CAMTA1: variants seen among roughly 807,000 people sequenced by gnomAD.
CAMTA1 encodes calmodulin-binding transcription activator 1.
A neutral mutation model predicts 170.9 loss-of-function variants in CAMTA1; 27 were observed. The observed-to-expected ratio is 0.16, with a 90% CI of 0.12 to 0.22. The LOEUF (loss-of-function observed/expected upper bound fraction) is 0.22, where lower values mean the gene tolerates loss of function less well. CAMTA1 is among the 10% of genes least tolerant of loss of function. The probability of loss-of-function intolerance (pLI) is 1.00; values close to 1 mark genes in which losing one functional copy is unlikely to be tolerated. For missense variants in CAMTA1, 1,619 were observed against 2,217.2 expected, an observed-to-expected ratio of 0.73 and a Z score of 5.42; for synonymous variants, 833 against 891.5, an observed-to-expected ratio of 0.93 and a Z score of 1.17.
At chr1:7,264,289 GT>G (rs912894352) in intron 5 of CAMTA1, among the ~76,000 whole-genome samples, 5 of 152,208 alleles carry the variant, frequency 3.3e-5, no homozygotes, top group African/African-American at 9.7e-5. Flanking sequence ...CCTACTTTGT[GT>G]TGTGGAAGTG....
chr1:6,949,677 C>A (rs186808990), intron 3 of CAMTA1, among the ~76,000 whole-genome samples: 30 of 152,306 alleles, frequency 2.0e-4, no homozygotes, highest in Admixed American at 1.6e-3. Context: ...CTCTGAATGA[C>A]CTTGGGCAAA....
At chr1:6,847,857 G>C (rs1658863622) in intron 3 of CAMTA1, among the ~76,000 whole-genome samples, 1 of 149,736 alleles carries the variant, frequency 6.7e-6, no homozygotes, top group Non-Finnish European at 1.5e-5. Flanking sequence ...GCACGCATGT[G>C]GCACCCAGCT....
chr1:7,466,115 G>T (rs2093204991), intron 5 of CAMTA1, among the ~76,000 whole-genome samples: 1 of 152,190 alleles, frequency 6.6e-6, no homozygotes, highest in Non-Finnish European at 1.5e-5. Flanking sequence ...GAATGTCACA[G>T]GTGGGTTGCT....
intron 22 of CAMTA1, among the ~76,000 whole-genome samples, chr1:7,757,346 C>T (rs1429892950): frequency 6.6e-5 from 10 of 152,174 alleles, no homozygotes; most frequent in Non-Finnish European, 2.9e-5. Context: ...TGTTCTAATA[C>T]AACTTTATTT....
intron 3 of CAMTA1, among the ~76,000 whole-genome samples, chr1:6,859,817 A>G (rs1663949451): frequency 1.3e-5 from 2 of 152,186 alleles, no homozygotes; most frequent in Admixed American, 6.5e-5. Context: ...GAAATGTTGT[A>G]GAATACCAAT....
intron 4 of CAMTA1, among the ~76,000 whole-genome samples, chr1:7,190,618 G>A (rs2148944755): frequency 6.6e-6 from 1 of 152,196 alleles, no homozygotes; most frequent in South Asian, 2.1e-4. Flanking sequence ...CTGTTTGAGT[G>A]TTGTTCCTTT....
chr1:7,588,796 T>C lies in CAMTA1; in HGVS notation c.511-51604T>C, dbSNP rs1056867361. 6.6e-6 allele frequency among the ~76,000 whole-genome samples: 1 copy of C among 152,200 alleles called. No individual in the cohort carries two copies. Among genetic ancestry groups the C allele is most frequent in the Non-Finnish European group, 1.5e-5 (1 of 68,044 alleles). On this transcript the variant is annotated intron_variant, in intron 6 of 22. Transcript: ENST00000303635. This position sits in a 1 kb window ranked among gnomAD's most constrained non-coding sequence, Gnocchi z 5.8. ...CAAAGGGAAGTGACGGGGCAATTTA[T>C]CATATCAATAAACTTGCTTAGAGTG...
chr1:6,947,537 T>C (rs1225568025), intron 3 of CAMTA1, among the ~76,000 whole-genome samples: 2 of 140,772 alleles, frequency 1.4e-5, no homozygotes, highest in Non-Finnish European at 3.0e-5. Context: ...CGTGTCACCA[T>C]GCCTGACTAA....
chr1:7,023,889 A>C (rs1374745399), intron 3 of CAMTA1, among the ~76,000 whole-genome samples: 1 of 151,910 alleles, frequency 6.6e-6, no homozygotes, highest in African/African-American at 2.4e-5. Flanking sequence ...TTAGCCGGGC[A>C]TGGTGGCAGG....
At chr1:7,454,366 T>C (rs1360306608) in intron 5 of CAMTA1, among the ~76,000 whole-genome samples, 3 of 152,256 alleles carry the variant, frequency 2.0e-5, no homozygotes, top group Non-Finnish European at 2.9e-5. Context: ...TTTGTGTTTA[T>C]CGAAGACCTT....
chr1:7,079,547 C>G (rs1367000206), intron 3 of CAMTA1, among the ~76,000 whole-genome samples: 1 of 152,048 alleles, frequency 6.6e-6, no homozygotes, highest in Admixed American at 6.6e-5. Flanking sequence ...TCTTGGCTCA[C>G]TGCAACCTCC....
chr1:6,814,966 C>G (rs1034920969), intron 1 of CAMTA1, among the ~76,000 whole-genome samples: 4 of 152,084 alleles, frequency 2.6e-5, no homozygotes, highest in African/African-American at 7.2e-5. Flanking sequence ...ACATCCTGAT[C>G]TAGGTTCTCT....
intron 5 of CAMTA1, among the ~76,000 whole-genome samples, chr1:7,391,345 G>GTGTGTT (rs1050939339): frequency 3.3e-5 from 5 of 151,852 alleles, no homozygotes; most frequent in Non-Finnish European, 7.4e-5. Context: ...GTGTGTGTGT[G>GTGTGTT]TGTGTGTGTG....
intron 4 of CAMTA1, among the ~76,000 whole-genome samples, chr1:7,194,910 C>G (rs1160628974): frequency 6.6e-6 from 1 of 152,200 alleles, no homozygotes; most frequent in African/African-American, 2.4e-5. Context: ...TTGAAGAGCT[C>G]TCTTTCTATT....
At chr1:7,337,211 G>A (rs1006975905) in intron 5 of CAMTA1, among the ~76,000 whole-genome samples, 1 of 152,200 alleles carries the variant, frequency 6.6e-6, no homozygotes, top group East Asian at 1.9e-4. Flanking sequence ...CACCTTGTGA[G>A]GGGGACGGGG....
intron 5 of CAMTA1, among the ~76,000 whole-genome samples, chr1:7,283,165 G>A (rs1671758095): frequency 6.6e-6 from 1 of 152,230 alleles, no homozygotes. Context: ...AGGATTTTGT[G>A]TATTCTCACC....
chr1:7,150,060 GCTGTTCGGTCGCCCAGCGGCCTCC>G (rs1646484874), intron 4 of CAMTA1, among the ~76,000 whole-genome samples: 1 of 152,190 alleles, frequency 6.6e-6, no homozygotes, highest in Admixed American at 6.5e-5. Flanking sequence ...AGCAGCCGCT[GCTGTTCGGTCGCCCAGCGGCCTCC>G]CTGGAGGAGA....
intron 11 of CAMTA1, among the ~76,000 whole-genome samples, chr1:7,725,039 T>A (rs2096674574): frequency 6.6e-6 from 1 of 152,150 alleles, no homozygotes; most frequent in Non-Finnish European, 1.5e-5. Flanking sequence ...CTGAAACTGC[T>A]GCTTCCACAA....
At chr1:7,174,807 C>T (rs924496167) in intron 4 of CAMTA1, among the ~76,000 whole-genome samples, 4 of 152,152 alleles carry the variant, frequency 2.6e-5, no homozygotes, top group South Asian at 2.1e-4. Flanking sequence ...TGGTGCCCCA[C>T]GGCCCAGGCG....
Sources: allele counts gnomAD v4.1 joint callset (sites outside exome capture counted in the v4.1 genomes callset), GRCh38; gene constraint gnomAD v4.1.1; non-coding constraint Gnocchi (gnomAD v3.1); transcripts MANE v1.5; gene names NCBI Gene and HGNC (gene_info 2026-07-23, HGNC 2026-07-21).